Variants in JAK2 observed in about 807,000 individuals in gnomAD.
JAK2 encodes the protein Janus kinase 2.
In JAK2, 86 loss-of-function variants were observed where a neutral mutation model predicts 139.3. That is an observed-to-expected ratio of 0.62 (90% CI 0.52 to 0.74). The LOEUF (loss-of-function observed/expected upper bound fraction) is 0.74, where lower values mean the gene tolerates loss of function less well. Ranked by LOEUF, JAK2 falls within the 30% of genes least tolerant of loss-of-function variation. The pLI is 0.00. For synonymous variants in JAK2, 490 were observed against 437.7 expected (o/e 1.12, Z -1.49); for missense variants, 1,421 against 1,360.3 (o/e 1.04, Z -0.70).
At chr9:5,057,167 A>T (rs1414241803) in intron 8 of JAK2, among the ~76,000 whole-genome samples, 1 of 151,994 alleles carries the variant, frequency 6.6e-6, no homozygotes, top group Non-Finnish European at 1.5e-5. Context: ...TTGATACATC[A>T]TGTTTCTTGC....
chr9:5,024,732 T>C (rs1822668245), intron 3 of JAK2, among the ~76,000 whole-genome samples: 1 of 152,240 alleles, frequency 6.6e-6, no homozygotes, highest in African/African-American at 2.4e-5. Context: ...TTTCAATGAA[T>C]ATCTTCTGTG....
chr9:5,122,002 A>T (rs140374058), intron 22 of JAK2, among the ~76,000 whole-genome samples: 1 of 152,276 alleles, frequency 6.6e-6, no homozygotes, highest in East Asian at 1.9e-4. Context: ...ATTTGTAAAG[A>T]CTAAATGTAA....
intron 22 of JAK2, chr9:5,108,485 C>T (rs1213577390): frequency 2.0e-5 from 3 of 152,002 alleles, no homozygotes; most frequent in African/African-American, 7.3e-5. Context: ...AACTGTTAGC[C>T]TCCTTATCCA....
chr9:5,084,166 T>A (rs1819912334), intron 19 of JAK2, among the ~76,000 whole-genome samples: 2 of 152,170 alleles, frequency 1.3e-5, no homozygotes, highest in Admixed American at 1.3e-4. Flanking sequence ...ACATGTACAA[T>A]GAAATATATT....
intron 3 of JAK2, among the ~76,000 whole-genome samples, chr9:5,025,841 A>G (rs1335541458): frequency 6.6e-6 from 1 of 152,204 alleles, no homozygotes; most frequent in Admixed American, 6.5e-5. Context: ...TTTAATGGTT[A>G]TAGTTCTGTT....
intron 3 of JAK2, 23 bp from the exon 4 acceptor site, chr9:5,029,760 T>G (rs764149019): frequency 6.3e-7 from 1 of 1,593,944 alleles, no homozygotes; most frequent in South Asian, 1.1e-5. Context: ...CTTTAATAAT[T>G]CCTTTCTCTG....
In JAK2 at chr9:5,081,767, G is replaced by A. The variant is rs377400885; in HGVS notation, c.2477G>A (p.Arg826Lys). Reference protein sequence around the residue: ...LTENDMLPNMRIGALGFSGAF... With the variant: ...LTENDMLPNMKIGALGFSGAF... ...GAAAATGACATGTTACCAAATATGA[G>A]GATAGGTGCCCTGGGGTTTTCTGGT... is the stretch of plus-strand genomic sequence containing the variant. Residue 826 changes from arginine (R) to lysine (K), a missense_variant, in exon 19 of 25, where the codon AGG becomes AAG. Transcript: ENST00000381652. 32 of 1,602,442 alleles carry A rather than the reference G, an allele frequency of 2.0e-5. No individual in the cohort carries two copies. Among genetic ancestry groups the A allele is most frequent in the Non-Finnish European group, 2.5e-5 (29 of 1,169,638 alleles).
Position 5,127,693 on chromosome 9 carries a change from TG to T in JAK2, c.*905del, listed in dbSNP as rs1219347563. On this transcript the variant is annotated 3_prime_UTR_variant, in exon 25 of 25. Transcript: ENST00000381652. ...ACTGCCAATAACATTCTTCGATCTC[TG>T]GGATTTATGCTCATGAACTAAATTT... The T allele has an allele frequency of 4.3e-6, 1 of 232,212 alleles. No individual in the cohort carries two copies. The highest frequency in any genetic ancestry group is 2.2e-5 in the African/African-American group (1 of 45,252). The allele number at this position is 232,212 out of a possible 1,614,324, so 14.4% of individuals were successfully genotyped here. A position where few individuals can be genotyped will look rare whatever the true frequency, so the allele number is the denominator to read the frequency against.
rs923911580 is a variant in JAK2, at chr9:5,112,004, G to A, written c.3060-11000G>A. 72 of 382,406 alleles carry A rather than the reference G, an allele frequency of 1.9e-4. 6 individuals are homozygous for A. Among genetic ancestry groups the A allele is most frequent in the South Asian group, 1.2e-3 (63 of 50,484 alleles). The allele number at this position is 382,406 out of a possible 1,614,324, so 23.7% of individuals were successfully genotyped here. On this transcript the variant is annotated intron_variant, in intron 22 of 24. Transcript: ENST00000381652. Reference sequence around the variant, plus strand: ...CCCCCCAGGGCCTGGGAGGGACGTCGCACTAGCCTGGAGCAGGAGTCCCTG... The same window carrying A: ...CCCCCCAGGGCCTGGGAGGGACGTCACACTAGCCTGGAGCAGGAGTCCCTG...
chr9:5,110,183 A>G (rs1338478519), intron 22 of JAK2: 1 of 152,208 alleles, frequency 6.6e-6, no homozygotes, highest in Non-Finnish European at 1.5e-5. Context: ...TAGAAGGCCC[A>G]ACCCCAGCCT....
intron 19 of JAK2, among the ~76,000 whole-genome samples, chr9:5,089,312 G>A (rs1820376852): frequency 6.6e-6 from 1 of 152,066 alleles, no homozygotes; most frequent in Non-Finnish European, 1.5e-5. Flanking sequence ...GCCGAGTTGG[G>A]TGGATCACCA....
At chr9:5,105,404 GA>G (rs1385644243) in intron 22 of JAK2, among the ~76,000 whole-genome samples, 1 of 152,192 alleles carries the variant, frequency 6.6e-6, no homozygotes, top group Non-Finnish European at 1.5e-5. Context: ...ACTGCTCAAT[GA>G]AATACAAGAG....
intron 2 of JAK2, among the ~76,000 whole-genome samples, chr9:5,011,668 T>A (rs1173174331): frequency 2.0e-5 from 3 of 152,220 alleles, no homozygotes; most frequent in African/African-American, 4.8e-5. Flanking sequence ...TTTTCATGTT[T>A]AATAAGTTTC....
In JAK2 at chr9:5,055,764, C is replaced by A. The variant is rs1817721076; in HGVS notation, c.1032C>A (p.Ile344=). 6 of 1,610,500 alleles carry A rather than the reference C, an allele frequency of 3.7e-6. No homozygotes were observed. Among genetic ancestry groups the A allele is most frequent in the Non-Finnish European group, 5.1e-6 (6 of 1,177,554 alleles). The change falls in exon 8 of 25, where the codon ATC becomes ATA. Residue 344 remains isoleucine, a synonymous_variant. Transcript: ENST00000381652. ...CAAATGAAAGCCGAGTTGTAACTAT[C>A]CATAAGCAAGATGGTAAAAATCTGG... ...EGSNESRVVT[I]HKQDGKNLEI... is the part of the protein sequence containing the mutation.
intron 2 of JAK2, among the ~76,000 whole-genome samples, chr9:5,010,756 TTTTC>T (rs1189606624): frequency 1.4e-4 from 21 of 152,348 alleles, no homozygotes; most frequent in African/African-American, 3.6e-4. Context: ...ATCCACATGA[TTTTC>T]TTTATCAGTT....
intron 2 of JAK2, among the ~76,000 whole-genome samples, chr9:5,018,491 C>T (rs553983831): frequency 2.6e-5 from 4 of 152,220 alleles, no homozygotes; most frequent in African/African-American, 7.2e-5. Context: ...AACCTGCCAC[C>T]ATGCCTGGCT....
intron 2 of JAK2, among the ~76,000 whole-genome samples, chr9:4,999,193 A>G (rs963661324): frequency 6.6e-6 from 1 of 152,222 alleles, no homozygotes; most frequent in African/African-American, 2.4e-5. Flanking sequence ...TAAAATGATT[A>G]CATTTGACTT....
intron 19 of JAK2, among the ~76,000 whole-genome samples, chr9:5,084,754 A>C (rs1019766466): frequency 2.6e-5 from 4 of 152,220 alleles, no homozygotes; most frequent in African/African-American, 7.2e-5. Context: ...AAACAGTACC[A>C]CATATAACCA....
chr9:5,098,283 C>G (rs937225049), intron 22 of JAK2: 1 of 152,136 alleles, frequency 6.6e-6, no homozygotes. Flanking sequence ...AAGATATTAG[C>G]AAATTCATTA....
Sources: gnomAD v4.1 joint callset for allele counts (sites outside exome capture counted in the v4.1 genomes callset) on GRCh38, gnomAD v4.1.1 for gene constraint, MANE v1.5 for transcripts, NCBI Gene and HGNC (gene_info 2026-07-23, HGNC 2026-07-21) for gene names.